NOS1: variants seen among roughly 807,000 people sequenced by gnomAD.
NOS1 encodes nitric oxide synthase 1.
In NOS1, 51 loss-of-function variants were observed where a neutral mutation model predicts 164.5. The observed-to-expected ratio is 0.31, with a 90% CI of 0.25 to 0.39. The LOEUF (loss-of-function observed/expected upper bound fraction) is 0.39. Ranked by LOEUF, NOS1 falls within the 10% of genes least tolerant of loss-of-function variation. NOS1 has a pLI of 1.00. For missense variants in NOS1, 1,362 were observed against 1,885.6 expected (o/e 0.72, Z 5.14); for synonymous variants, 719 against 745.8 (o/e 0.96, Z 0.59).
Position 117,234,439 on chromosome 12 carries a change from G to T in NOS1, c.3235+126C>A. 2 of 944,630 alleles carry T rather than the reference G, an allele frequency of 2.1e-6. No homozygotes were observed. Among genetic ancestry groups the T allele is most frequent in the Non-Finnish European group, 3.1e-6 (2 of 637,122 alleles). The allele number at this position is 944,630 out of a possible 1,614,324, so 58.5% of individuals were successfully genotyped here. ...AAGGGGGATATCTTTAGTCTCATAG[G>T]CTGTTAGCAACAGACACCCACTCTC... On this transcript the variant is annotated intron_variant, in intron 21 of 28. Transcript: ENST00000317775. The surrounding 1 kb of genome is among the most constrained non-coding windows in gnomAD (Gnocchi z 4.3).
chr12:117,294,374 G>A (rs531048868), intron 3 of NOS1, among the ~76,000 whole-genome samples: 1 of 152,276 alleles, frequency 6.6e-6, no homozygotes, highest in East Asian at 1.9e-4. Flanking sequence ...TAATAAAAGA[G>A]GCCATCTGTT....
At chr12:117,291,530 T>TTTTTC (rs1873060998) in intron 3 of NOS1, among the ~76,000 whole-genome samples, 1 of 55,088 alleles carries the variant, frequency 1.8e-5, no homozygotes, top group Non-Finnish European at 3.1e-5. Context: ...TACATCTGTC[T>TTTTTC]TTTTTTTTTT....
At chr12:117,311,228 A>T (rs1476923791) in intron 3 of NOS1, among the ~76,000 whole-genome samples, 1 of 118,852 alleles carries the variant, frequency 8.4e-6, no homozygotes, top group African/African-American at 4.0e-5. Context: ...GAAGAAACAG[A>T]ATTAAAATGT....
Position 117,330,527 on chromosome 12 carries a change from C to A in NOS1, c.543G>T (p.Arg181Ser). The A allele has an allele frequency of 6.2e-7, 1 of 1,613,948 alleles. No homozygotes were observed. Among genetic ancestry groups the A allele is most frequent in the Non-Finnish European group, 8.5e-7 (1 of 1,180,018 alleles). The change falls in exon 2 of 29, where the codon AGG becomes AGT. Residue 181 changes from arginine to serine, a missense_variant. Arg to Ser is a moderately radical substitution (Grantham distance 110). This residue lies in a region of NOS1 where 362 missense variants were observed against 402.0 expected (regional missense o/e 0.90). Transcript: ENST00000317775. The surrounding 1 kb of genome is among the most constrained non-coding windows in gnomAD (Gnocchi z 4.6). ...TCTTCGCGGGGTCCTGGCCTGGGGGCCTGGGGGCCAGGCCGTTGGCATGGG... is the reference window on the plus strand; with the variant it reads ...TCTTCGCGGGGTCCTGGCCTGGGGGACTGGGGGCCAGGCCGTTGGCATGGG... ...SLPHANGLAP[R>S]PPGQDPAKKA... is the part of the protein sequence containing the mutation.
chr12:117,264,859 C>G (rs962781746), intron 12 of NOS1, among the ~76,000 whole-genome samples: 1 of 151,754 alleles, frequency 6.6e-6, no homozygotes, highest in Non-Finnish European at 1.5e-5. Flanking sequence ...AGCTGGCATA[C>G]GCCAGGCTAA....
intron 26 of NOS1, among the ~76,000 whole-genome samples, chr12:117,220,555 T>A (rs1956686831): frequency 6.6e-6 from 1 of 152,092 alleles, no homozygotes; most frequent in African/African-American, 2.4e-5. Flanking sequence ...CCCAGAATCA[T>A]CCCCTGGAGA....
At position 117,225,094 on chromosome 12, in the gene NOS1, TGCAGGG is replaced by T. The variant is rs1868537944; in HGVS notation, c.3742_3747del (p.Pro1248_Cys1249del). ...ATGCCGGTGCCTGGTCCAACGAGGA[TGCAGGG>T]GACTTGGGGGTTCCGGGGCAGGTGG... On this transcript the variant is annotated inframe_deletion, in exon 25 of 29. Transcript: ENST00000317775. 6.2e-7 allele frequency: 1 copy of T among 1,614,074 alleles called. No homozygotes were observed. Among genetic ancestry groups the T allele is most frequent in the Non-Finnish European group, 8.5e-7 (1 of 1,179,978 alleles).
At chr12:117,328,613 G>A (rs1875373206) in intron 2 of NOS1, among the ~76,000 whole-genome samples, 2 of 151,760 alleles carry the variant, frequency 1.3e-5, no homozygotes, top group Non-Finnish European at 2.9e-5. Context: ...TGCCTAGGCT[G>A]AAGTGTAGTG....
intron 1 of NOS1, among the ~76,000 whole-genome samples, chr12:117,359,951 C>A (rs776623106): frequency 6.8e-5 from 7 of 103,416 alleles, no homozygotes; most frequent in Non-Finnish European, 1.1e-4. Context: ...ACACTTCCTG[C>A]GTTATGAACG....
chr12:117,266,340 T>A (rs1181647319), intron 11 of NOS1, among the ~76,000 whole-genome samples: 3 of 152,210 alleles, frequency 2.0e-5, no homozygotes, highest in Admixed American at 6.5e-5. Context: ...CTCCCACTAA[T>A]GAGTGAGAAC....
intron 7 of NOS1, among the ~76,000 whole-genome samples, chr12:117,282,484 A>G (rs1283297896): frequency 6.6e-6 from 1 of 152,162 alleles, no homozygotes; most frequent in Non-Finnish European, 1.5e-5. Flanking sequence ...TCCAAGTTCA[A>G]GACCTGATTC....
At chr12:117,352,176 AATACATACATACATAC>A (rs71444621) in intron 1 of NOS1, among the ~76,000 whole-genome samples, 12 of 149,112 alleles carry the variant, frequency 8.0e-5, no homozygotes, top group African/African-American at 2.5e-4. Flanking sequence ...CTGTCTCAGA[AATACATACATACATAC>A]ATACATACAT....
intron 1 of NOS1, among the ~76,000 whole-genome samples, chr12:117,338,224 AC>A (rs1250787039): frequency 1.3e-5 from 2 of 150,974 alleles, no homozygotes; most frequent in Admixed American, 1.3e-4. Flanking sequence ...CTCAAACAAA[AC>A]AAAAAAAAAC....
At chr12:117,216,546 T>C (rs1466632326) in intron 28 of NOS1, among the ~76,000 whole-genome samples, 2 of 151,840 alleles carry the variant, frequency 1.3e-5, no homozygotes, top group Admixed American at 6.6e-5. Flanking sequence ...GGTGCCATCA[T>C]GGCTCACTGC....
At chr12:117,270,473 A>G (rs1451268608) in intron 10 of NOS1, among the ~76,000 whole-genome samples, 2 of 152,084 alleles carry the variant, frequency 1.3e-5, no homozygotes, top group Non-Finnish European at 2.9e-5. Context: ...TCAGCGACAC[A>G]TTTGTGGGAA....
chr12:117,347,802 G>A (rs1011251913), intron 1 of NOS1, among the ~76,000 whole-genome samples: 2 of 152,146 alleles, frequency 1.3e-5, no homozygotes, highest in Non-Finnish European at 2.9e-5. Flanking sequence ...TGAGAGTGAC[G>A]CAGCACTTTG....
At chr12:117,295,647 T>G (rs1399981874) in intron 3 of NOS1, among the ~76,000 whole-genome samples, 1 of 139,332 alleles carries the variant, frequency 7.2e-6, no homozygotes, top group Non-Finnish European at 1.5e-5. Flanking sequence ...AGACAGAGTC[T>G]CACTCTGTCG....
rs1420189350 is a variant in NOS1 at position 117,255,894 on chromosome 12, T to C, written c.2532-2140A>G. The C allele has an allele frequency of 4.7e-6, 6 of 1,282,320 alleles. No homozygotes were observed. The African/African-American group carries it at 7.8e-5, about 17-fold the overall frequency. 79.4% of individuals were successfully genotyped at this position (1,282,320 alleles called of 1,614,324 possible). A position where few individuals can be genotyped will look rare whatever the true frequency, so the allele number is the denominator to read the frequency against. Reference sequence around the variant, plus strand: ...TGCTCAGGCATTGGGTGTGCATGCATACACTCGCACACACCTGCGTGTACA... The same window carrying C: ...TGCTCAGGCATTGGGTGTGCATGCACACACTCGCACACACCTGCGTGTACA... On this transcript the variant is annotated intron_variant, in intron 16 of 28. Coordinates refer to ENST00000317775, the MANE Select transcript of NOS1 (RefSeq NM_000620.5).
intron 16 of NOS1, among the ~76,000 whole-genome samples, chr12:117,255,702 T>C (rs537250445): frequency 6.6e-6 from 1 of 152,328 alleles, no homozygotes; most frequent in Admixed American, 6.5e-5. Context: ...ACCCTGCCAA[T>C]AGGCCACAGA....
Sources: allele counts gnomAD v4.1 joint callset (sites outside exome capture counted in the v4.1 genomes callset), GRCh38; gene constraint gnomAD v4.1.1; regional missense constraint gnomAD v4.1.1; non-coding constraint Gnocchi (gnomAD v3.1); transcripts MANE v1.5; gene names NCBI Gene and HGNC (gene_info 2026-07-23, HGNC 2026-07-21).